Variants in RALGAPA2 observed in about 807,000 individuals in gnomAD.
RALGAPA2 encodes the protein ral GTPase-activating protein subunit alpha-2.
RALGAPA2 carries 139 observed loss-of-function variants against 230.4 expected under a neutral mutation model. The observed-to-expected ratio is 0.60, with a 90% CI of 0.53 to 0.69. RALGAPA2 has a LOEUF of 0.69. RALGAPA2 is among the 30% of genes least tolerant of loss of function. The pLI, the probability that RALGAPA2 is intolerant of heterozygous loss-of-function variation, is 0.00. For missense variants in RALGAPA2, 2,163 were observed against 2,276.0 expected, an observed-to-expected ratio of 0.95 and a Z score of 1.01; for synonymous variants, 847 against 837.8, an observed-to-expected ratio of 1.01 and a Z score of -0.19.
chr20:20,395,021 G>A (rs950476711), intron 39 of RALGAPA2, among the ~76,000 whole-genome samples: 10 of 152,122 alleles, frequency 6.6e-5, no homozygotes, highest in Admixed American at 3.3e-4. Context: ...CACTCACCCA[G>A]GGAGGATAAA....
At chr20:20,457,367 G>A (rs1055345013) in intron 37 of RALGAPA2, among the ~76,000 whole-genome samples, 4 of 152,058 alleles carry the variant, frequency 2.6e-5, no homozygotes, top group East Asian at 1.9e-4. Flanking sequence ...ATCTTTTGTC[G>A]CACACACGAG....
At chr20:20,691,805 T>C (rs1420695578) in intron 1 of RALGAPA2, among the ~76,000 whole-genome samples, 4 of 152,186 alleles carry the variant, frequency 2.6e-5, no homozygotes, top group Non-Finnish European at 4.4e-5. Flanking sequence ...CCAAGTGATA[T>C]AGTTTGGATA....
Position 20,584,914 on chromosome 20 carries a change from C to T in RALGAPA2, c.2481G>A (p.Leu827=), listed in dbSNP as rs750010180. 1 of 1,611,886 alleles carries T rather than the reference C, an allele frequency of 6.2e-7. No homozygotes were observed. Among genetic ancestry groups the T allele is most frequent in the Non-Finnish European group, 8.5e-7 (1 of 1,178,754 alleles). The part of the protein sequence containing the change: ...RRSSSPAELD[L]KDDLQQTQGK... ...CTTGTGTCTGCTGCAAATCATCTTT[C>T]AAATCCAATTCAGCAGGGCTGCTGC... The change falls in exon 19 of 40, where the codon TTG becomes TTA. Residue 827 remains leucine, a synonymous_variant. Transcript: ENST00000202677.
chr20:20,448,622 A>G (rs2123134868), intron 37 of RALGAPA2, among the ~76,000 whole-genome samples: 1 of 152,332 alleles, frequency 6.6e-6, no homozygotes, highest in East Asian at 1.9e-4. Flanking sequence ...TATCCTACAA[A>G]GTTTCCCAGG....
chr20:20,710,785 G>A (rs1395984979), intron 1 of RALGAPA2, among the ~76,000 whole-genome samples: 14 of 152,206 alleles, frequency 9.2e-5, no homozygotes, highest in Admixed American at 9.2e-4. Context: ...TTTATAAAAT[G>A]TAGCCAACTT....
At chr20:20,424,042 A>G (rs2122888107) in intron 37 of RALGAPA2, among the ~76,000 whole-genome samples, 1 of 152,366 alleles carries the variant, frequency 6.6e-6, no homozygotes, top group South Asian at 2.1e-4. Flanking sequence ...GTCTGTTCTC[A>G]TATTCCTATG....
At chr20:20,541,595 A>T (rs1316457425) in intron 24 of RALGAPA2, among the ~76,000 whole-genome samples, 1 of 152,254 alleles carries the variant, frequency 6.6e-6, no homozygotes, top group Admixed American at 6.5e-5. Context: ...TGTCCCGGGC[A>T]GGATGGGCCA....
chr20:20,634,698 G>T (rs373623881), intron 9 of RALGAPA2, among the ~76,000 whole-genome samples: 3 of 152,250 alleles, frequency 2.0e-5, no homozygotes, highest in South Asian at 4.1e-4. Context: ...CCCTGTTCTT[G>T]GGGACAATAA....
Position 20,511,254 on chromosome 20 carries a change from C to T in RALGAPA2, c.4928G>A (p.Cys1643Tyr), listed in dbSNP as rs781263841. The T allele has an allele frequency of 8.9e-6, 14 of 1,574,272 alleles. No homozygotes were observed. The highest frequency in any genetic ancestry group is 1.7e-4 in the Middle Eastern group (1 of 6,034). ...AGTGGTTTGATATACTTTCACATAC[C>T]ACTGGCGGGAGTCCAAATTTTTCAG... Reference protein sequence around the residue: ...RELKNLDSRQCRETHKIAVFY... With the variant: ...RELKNLDSRQYRETHKIAVFY... Residue 1643 changes from cysteine (C) to tyrosine (Y), a missense_variant and splice_region_variant, in exon 33 of 40, where the codon TGC (cysteine) becomes TAC (tyrosine). Physicochemically the swap from Cys to Tyr is radical, Grantham distance 194. Coordinates refer to ENST00000202677, the MANE Select transcript of RALGAPA2 (RefSeq NM_020343.4).
chr20:20,611,557 C>T, intron 13 of RALGAPA2, 131 bp from the exon 14 acceptor site: 1 of 1,372,420 alleles, frequency 7.3e-7, no homozygotes, highest in Non-Finnish European at 9.6e-7. Context: ...TATTAAAGTC[C>T]AGATGCCAAT....
At chr20:20,451,725 A>T (rs2060993300) in intron 37 of RALGAPA2, among the ~76,000 whole-genome samples, 1 of 152,236 alleles carries the variant, frequency 6.6e-6, no homozygotes, top group Non-Finnish European at 1.5e-5. Context: ...AGCACAACTG[A>T]TCCAAAGTTT....
chr20:20,514,161 G>T (rs1016461796), intron 31 of RALGAPA2, among the ~76,000 whole-genome samples: 1 of 151,706 alleles, frequency 6.6e-6, no homozygotes, highest in African/African-American at 2.4e-5. Context: ...TGCTTAGGCA[G>T]ATCTCCAGGC....
intron 31 of RALGAPA2, among the ~76,000 whole-genome samples, chr20:20,516,820 ATTCC>A (rs2062885435): frequency 6.6e-6 from 1 of 152,190 alleles, no homozygotes; most frequent in Non-Finnish European, 1.5e-5. Flanking sequence ...AAGAACTCCT[ATTCC>A]TAGGGAAAGT....
chr20:20,638,431 G>A (rs2066929281), intron 7 of RALGAPA2, among the ~76,000 whole-genome samples: 2 of 152,202 alleles, frequency 1.3e-5, no homozygotes, highest in Non-Finnish European at 2.9e-5. Flanking sequence ...CAAAAGCTGT[G>A]CTCTGAGAAC....
At chr20:20,506,789 T>C (rs1569451620) in intron 33 of RALGAPA2, among the ~76,000 whole-genome samples, 1 of 152,240 alleles carries the variant, frequency 6.6e-6, no homozygotes, top group African/African-American at 2.4e-5. Flanking sequence ...GATTTCCTTC[T>C]GTGTGAGTTA....
chr20:20,572,082 T>C (rs993041309), intron 21 of RALGAPA2, 136 bp from the exon 22 acceptor site: 1 of 626,652 alleles, frequency 1.6e-6, no homozygotes, highest in Non-Finnish European at 2.8e-6. Context: ...TACAAGTTTC[T>C]CTTTTATTGT....
intron 3 of RALGAPA2, among the ~76,000 whole-genome samples, chr20:20,656,237 C>T (rs1036354169): frequency 6.6e-6 from 1 of 152,118 alleles, no homozygotes; most frequent in Non-Finnish European, 1.5e-5. Flanking sequence ...CTAATGTGCT[C>T]GAATCCAAGG....
At chr20:20,533,828 C>T (rs2063429747) in intron 26 of RALGAPA2, among the ~76,000 whole-genome samples, 1 of 151,862 alleles carries the variant, frequency 6.6e-6, no homozygotes, top group South Asian at 2.1e-4. Context: ...AAAAAGATAC[C>T]TATAGAATTC....
rs2067710470 is a variant in RALGAPA2 at position 20,659,824 on chromosome 20, A to G, written c.271-6237T>C. 5.1e-6 allele frequency: 4 copies of G among 783,142 alleles called. No individual in the cohort carries two copies. In the South Asian group the frequency reaches 5.3e-5, roughly 10 times the overall value. 48.5% of individuals were successfully genotyped at this position (783,142 alleles called of 1,614,324 possible). On this transcript the variant is annotated intron_variant, in intron 3 of 39. Transcript: ENST00000202677. ...AAAAACAGAACAAGACAAGAATCAG[A>G]GCAGCAGCAAGAGGAAAGCTATTGT...
Sources: gnomAD v4.1 joint callset for allele counts (sites outside exome capture counted in the v4.1 genomes callset) on GRCh38, gnomAD v4.1.1 for gene constraint, MANE v1.5 for transcripts, NCBI Gene and HGNC (gene_info 2026-07-23, HGNC 2026-07-21) for gene names.